The following NTM variants were observed in gnomAD, a reference collection of about 807,000 sequenced individuals.
NTM encodes neurotrimin.
Under a neutral mutation model 42.1 loss-of-function variants are expected in NTM, and 13 were observed. That is an observed-to-expected ratio of 0.31 (90% confidence interval 0.20 to 0.49). The LOEUF (loss-of-function observed/expected upper bound fraction) is 0.49, where lower values mean the gene tolerates loss of function less well. NTM is among the 20% of genes least tolerant of loss of function. NTM has a pLI of 0.99. For synonymous variants in NTM, 187 were observed against 179.2 expected (o/e 1.04, Z -0.35); for missense variants, 373 against 452.8 (o/e 0.82, Z 1.60).
intron 1 of NTM, among the ~76,000 whole-genome samples, chr11:131,588,801 A>C (rs2059105221): frequency 6.6e-6 from 1 of 152,224 alleles, no homozygotes; most frequent in Non-Finnish European, 1.5e-5. Flanking sequence ...TGTAAATATT[A>C]ACTCTGGGCA....
chr11:131,930,145 T>G (rs1215333418), intron 2 of NTM, among the ~76,000 whole-genome samples: 1 of 152,204 alleles, frequency 6.6e-6, no homozygotes, highest in Admixed American at 6.5e-5. Context: ...TTAAACATAC[T>G]TCTATTTTAA....
Position 131,950,495 on chromosome 11 carries a change from C to T in NTM, c.167+38847C>T, listed in dbSNP as rs375350199. On this transcript the variant is annotated intron_variant, in intron 2 of 8. Transcript: ENST00000683400. ...TTTGTTCACTCAGTACTCTCTGTCTCGGAAGCCCACTCACTCCCCTTTCAC... is the reference window on the plus strand; with the variant it reads ...TTTGTTCACTCAGTACTCTCTGTCTTGGAAGCCCACTCACTCCCCTTTCAC... 8.5e-5 allele frequency among the ~76,000 whole-genome samples: 13 copies of T among 152,284 alleles called. No individual in the cohort carries two copies. In the South Asian group the frequency reaches 1.5e-3, roughly 17 times the overall value.
chr11:131,616,547 A>C (rs2061953721), intron 1 of NTM, among the ~76,000 whole-genome samples: 1 of 152,160 alleles, frequency 6.6e-6, no homozygotes, highest in Non-Finnish European at 1.5e-5. Context: ...AACTGGTAAT[A>C]GTTTAGCAAT....
chr11:131,503,228 G>A (rs2047052659), intron 1 of NTM, among the ~76,000 whole-genome samples: 1 of 152,190 alleles, frequency 6.6e-6, no homozygotes, highest in Non-Finnish European at 1.5e-5. Flanking sequence ...GGGGGAAGGT[G>A]TGGAGGACTA....
chr11:131,588,936 C>G (rs2059118269), intron 1 of NTM, among the ~76,000 whole-genome samples: 1 of 152,158 alleles, frequency 6.6e-6, no homozygotes, highest in African/African-American at 2.4e-5. Context: ...ATGGCATTAA[C>G]AGGTGTGGCT....
chr11:132,141,186 CTT>C (rs1034610835), intron 2 of NTM: 1 of 152,114 alleles, frequency 6.6e-6, no homozygotes, highest in Admixed American at 6.5e-5. Context: ...ACTTTTGCTT[CTT>C]TTTTTCTTCC....
chr11:131,916,702 C>T (rs2056442893), intron 2 of NTM, among the ~76,000 whole-genome samples: 1 of 152,172 alleles, frequency 6.6e-6, no homozygotes, highest in African/African-American at 2.4e-5. Flanking sequence ...ACTCCACAGC[C>T]TCTTAAGGGC....
At chr11:132,118,268 A>G (rs2064189390) in intron 2 of NTM, among the ~76,000 whole-genome samples, 1 of 152,098 alleles carries the variant, frequency 6.6e-6, no homozygotes. Flanking sequence ...ATTATTAATT[A>G]CCAGTGGCTG....
chr11:131,515,712 C>A (rs1313175320), intron 1 of NTM, among the ~76,000 whole-genome samples: 1 of 152,134 alleles, frequency 6.6e-6, no homozygotes. Flanking sequence ...GAGTTATGAC[C>A]CTAGGATCGG....
intron 2 of NTM, among the ~76,000 whole-genome samples, chr11:132,145,970 G>A (rs1376470194): frequency 6.6e-6 from 1 of 152,192 alleles, no homozygotes; most frequent in Admixed American, 6.5e-5. Context: ...CTTGAGCAAA[G>A]GGAGAACTGG....
intron 1 of NTM, among the ~76,000 whole-genome samples, chr11:131,600,121 G>T (rs2060338826): frequency 6.6e-6 from 1 of 152,176 alleles, no homozygotes; most frequent in Non-Finnish European, 1.5e-5. Context: ...ATTAATAACT[G>T]GGATGTAGCT....
At chr11:131,522,351 A>C (rs1192181230) in intron 1 of NTM, among the ~76,000 whole-genome samples, 1 of 33,790 alleles carries the variant, frequency 3.0e-5, no homozygotes, top group East Asian at 4.5e-4. Flanking sequence ...TTTGCAGAAC[A>C]ACAAGAAAAA....
intron 2 of NTM, among the ~76,000 whole-genome samples, chr11:132,036,056 T>C (rs2076476839): frequency 1.3e-5 from 2 of 152,184 alleles, no homozygotes; most frequent in Non-Finnish European, 2.9e-5. Flanking sequence ...AGTTATTACA[T>C]GGTCATTTGT....
intron 2 of NTM, among the ~76,000 whole-genome samples, chr11:132,075,455 T>A (rs78452727): frequency 6.6e-6 from 1 of 152,174 alleles, no homozygotes; most frequent in East Asian, 1.9e-4. Flanking sequence ...AGAATCCTAT[T>A]CCAAGATGGG....
At chr11:131,902,229 T>C (rs2053268754) in intron 1 of NTM, among the ~76,000 whole-genome samples, 1 of 152,184 alleles carries the variant, frequency 6.6e-6, no homozygotes, top group African/African-American at 2.4e-5. Context: ...AGTGGATAGT[T>C]TGGGTATTAG....
intron 2 of NTM, among the ~76,000 whole-genome samples, chr11:132,099,690 C>T (rs1325863977): frequency 6.6e-6 from 1 of 152,174 alleles, no homozygotes; most frequent in East Asian, 1.9e-4. Context: ...AAAAGCAAGT[C>T]TTAACTTAAG....
chr11:131,634,531 C>T (rs142632152), intron 1 of NTM, among the ~76,000 whole-genome samples: 5 of 152,144 alleles, frequency 3.3e-5, no homozygotes, highest in African/African-American at 4.8e-5. Flanking sequence ...CGATGTTGAA[C>T]GCTTGCAGAC....
At chr11:131,614,887 C>T (rs2061776327) in intron 1 of NTM, among the ~76,000 whole-genome samples, 1 of 152,204 alleles carries the variant, frequency 6.6e-6, no homozygotes, top group Non-Finnish European at 1.5e-5. Flanking sequence ...CTGGCCCTGC[C>T]CGCCTGGCTT....
chr11:131,604,995 T>A (rs2060819472), intron 1 of NTM, among the ~76,000 whole-genome samples: 1 of 152,100 alleles, frequency 6.6e-6, no homozygotes, highest in Non-Finnish European at 1.5e-5. Context: ...TCAGGAAATG[T>A]GAGGCCTCCA....
Sources: gnomAD v4.1 joint callset for allele counts (sites outside exome capture counted in the v4.1 genomes callset) on GRCh38, gnomAD v4.1.1 for gene constraint, MANE v1.5 for transcripts, NCBI Gene and HGNC (gene_info 2026-07-23, HGNC 2026-07-21) for gene names.